The following MED24 variants were observed in gnomAD, a reference collection of about 807,000 sequenced individuals.
MED24 encodes the protein mediator of RNA polymerase II transcription subunit 24.
MED24 carries 74 observed loss-of-function variants against 118.8 expected under a neutral mutation model. That is an observed-to-expected ratio of 0.62 (90% CI 0.52 to 0.76). MED24 has a LOEUF of 0.76. Among genes scored for constraint, MED24 ranks in the 30% least tolerant of loss-of-function variants. The pLI, the probability that MED24 is intolerant of heterozygous loss-of-function variation, is 0.00. For missense variants in MED24, 1,041 were observed against 1,278.9 expected (o/e 0.81, Z 2.84); for synonymous variants, 521 against 523.9 (o/e 0.99, Z 0.08).
rs192933030 is a variant in MED24, at chr17:40,046,709, G to A, written c.213+6589C>T. ...TGCAGTGAGCCGAGATCCCGCCACT[G>A]CACTCCAGCCTGGGCGACAGAGCGA... On this transcript the variant is annotated intron_variant, in intron 3 of 25. Transcript: ENST00000394128. Among the ~76,000 whole-genome samples the A allele has an allele frequency of 1.6e-3, 235 of 151,394 alleles. 1 individual carries two copies. Among genetic ancestry groups the A allele is most frequent in the African/African-American group, 5.5e-3 (227 of 41,212 alleles).
chr17:40,037,289 C>T (rs1984055599), intron 3 of MED24, among the ~76,000 whole-genome samples: 1 of 152,046 alleles, frequency 6.6e-6, no homozygotes, highest in Non-Finnish European at 1.5e-5. Flanking sequence ...CTTATTTGTT[C>T]TCCAGAACTT....
intron 3 of MED24, among the ~76,000 whole-genome samples, chr17:40,044,270 A>G (rs895295596): frequency 1.3e-5 from 2 of 152,192 alleles, no homozygotes; most frequent in Non-Finnish European, 2.9e-5. Flanking sequence ...CTGTAATCCC[A>G]GCACTTTGGG....
At position 40,021,961 on chromosome 17, in the gene MED24, T is replaced by A. The variant is rs771965175; in HGVS notation, c.2617A>T (p.Ser873Cys). 7.2e-5 allele frequency: 116 copies of A among 1,600,566 alleles called. 4 individuals carry two copies. In the South Asian group the frequency reaches 1.3e-3, roughly 18 times the overall value. ...SNEDDANILS[S>C]PTDRSMSSSL... is the part of the protein sequence containing the mutation. ...GGCCAGCCCACACACTCACTGGGGC[T>A]CGAAAGGATGTTGGCATCGTCCTCA... Residue 873 changes from serine (S) to cysteine (C), a missense_variant, in exon 23 of 26, where the codon AGC becomes TGC. Ser to Cys is a moderately radical substitution (Grantham distance 112, BLOSUM62 -1). Coordinates refer to ENST00000394128, the MANE Select transcript of MED24 (RefSeq NM_014815.4).
intron 19 of MED24, among the ~76,000 whole-genome samples, chr17:40,025,533 G>T (rs934479460): frequency 6.6e-6 from 1 of 152,178 alleles, no homozygotes; most frequent in African/African-American, 2.4e-5. Flanking sequence ...GAGCTGGAGG[G>T]AGGGGAAAAT....
chr17:40,028,784 C>A (rs756199761), intron 14 of MED24, 42 bp downstream of exon 14: 7 of 1,608,876 alleles, frequency 4.4e-6, no homozygotes, highest in Non-Finnish European at 5.9e-6. Context: ...CAACGCGCAG[C>A]CTCCCTGCAC....
rs753068864 is a variant in MED24 at position 40,023,161 on chromosome 17, G to A, written c.2220C>T (p.Gly740=). 31 of 1,614,060 alleles carry A rather than the reference G, an allele frequency of 1.9e-5. No homozygotes were observed. The highest frequency in any genetic ancestry group is 1.7e-4 in the Middle Eastern group (1 of 6,060). ...TCAGGTTGTTGCAGAACCAGTAGAC[G>A]CCGCCCATGTGCAGCAGGGTGTCAA... ...HIFDTLLHMG[G]VYWFCNNLIK... The change falls in exon 20 of 26, where the codon GGC becomes GGT. Residue 740 remains glycine, a synonymous_variant. Coordinates refer to ENST00000394128, the MANE Select transcript of MED24 (RefSeq NM_014815.4).
chr17:40,032,652 G>C lies in MED24; in HGVS notation c.933C>G (p.Leu311=), dbSNP rs763500133. ...GCCCCTCCCACGTCCCCAGTACCTT[G>C]AGGAAAGTGAAAGCTGTCCACTTGA... ...EELKWTAFTF[L]KIPQVLVKLK... is the part of the protein sequence containing the mutation. The change falls in exon 9 of 26, where the codon CTC becomes CTG. Residue 311 remains leucine, a synonymous_variant. Coordinates refer to ENST00000394128, the MANE Select transcript of MED24 (RefSeq NM_014815.4). 6 of 1,611,364 alleles carry C rather than the reference G, an allele frequency of 3.7e-6. No homozygotes were observed. In the African/African-American group the frequency reaches 8.0e-5, roughly 22 times the overall value.
At chr17:40,032,589 C>A in intron 9 of MED24, 60 bp downstream of exon 9, 1 of 1,351,172 alleles carries the variant, frequency 7.4e-7, no homozygotes, top group Non-Finnish European at 1.0e-6. Flanking sequence ...GTCCAGGGTG[C>A]CACTGGTCTT....
chr17:40,024,915 T>C (rs12451547), intron 19 of MED24, among the ~76,000 whole-genome samples: 52,431 of 151,608 alleles, frequency 0.35, 9,495 homozygotes, highest in Middle Eastern at 0.5. Flanking sequence ...TTTATATTTT[T>C]AGTAAGGCCA....
intron 8 of MED24, 111 bp from the exon 9 acceptor site, chr17:40,032,873 A>T: frequency 1.5e-6 from 2 of 1,318,314 alleles, no homozygotes; most frequent in Non-Finnish European, 2.1e-6. Flanking sequence ...GTCACTGCTC[A>T]GCTATGTGCT....
chr17:40,043,840 G>A (rs1294185864), intron 3 of MED24, among the ~76,000 whole-genome samples: 5 of 146,924 alleles, frequency 3.4e-5, no homozygotes, highest in Non-Finnish European at 7.5e-5. Flanking sequence ...GCAGTGAACC[G>A]AGATACTGCC....
chr17:40,036,129 G>A lies in MED24; in HGVS notation c.239C>T (p.Thr80Ile). 1 of 1,612,558 alleles carries A rather than the reference G, an allele frequency of 6.2e-7. No homozygotes were observed. The change falls in exon 4 of 26, where the codon ACA becomes ATA. Residue 80 changes from threonine (T) to isoleucine (I), a missense_variant. Thr to Ile is a moderately conservative substitution (Grantham distance 89, BLOSUM62 -1). Around this residue, in one of 3 missense-constraint regions of MED24, gnomAD observed 434 missense variants for 514.9 expected, o/e 0.84. Coordinates refer to ENST00000394128, the MANE Select transcript of MED24 (RefSeq NM_014815.4). ...SQMVSYSSVL[T>I]AISKFDDFSR... ...CTATGGTCATACCTTACTGATGGCT[G>A]TGAGGACAGAAGAGTAGGACACCAT...
Position 40,019,429 on chromosome 17 carries a change from C to A in MED24, c.*100G>T. ...CTAGAGGCTCTTGCACCATGTGGAGCGGATGTGAGGCACGATGCCTCATCT... is the reference window on the plus strand; with the variant it reads ...CTAGAGGCTCTTGCACCATGTGGAGAGGATGTGAGGCACGATGCCTCATCT... On this transcript the variant is annotated 3_prime_UTR_variant, in exon 26 of 26. Coordinates refer to ENST00000394128, the MANE Select transcript of MED24 (RefSeq NM_014815.4). 1.1e-6 allele frequency: 1 copy of A among 945,092 alleles called. No individual in the cohort carries two copies. Among genetic ancestry groups the A allele is most frequent in the South Asian group, 1.5e-5 (1 of 68,752 alleles). 58.5% of individuals were successfully genotyped at this position (945,092 alleles called of 1,614,324 possible).
At chr17:40,027,825 G>A (rs1982877167) in intron 15 of MED24, 84 bp downstream of exon 15, 1 of 1,436,856 alleles carries the variant, frequency 7.0e-7, no homozygotes, top group Non-Finnish European at 9.7e-7. Flanking sequence ...CTGTTGAGCT[G>A]GGGAGCCCTC....
chr17:40,023,635 T>G (rs1982305267), intron 19 of MED24: 1 of 461,594 alleles, frequency 2.2e-6, no homozygotes, highest in South Asian at 4.3e-5. Flanking sequence ...GGAGGGACTT[T>G]CCTCCCCCTG....
At chr17:40,031,877 C>T (rs755814200) in intron 10 of MED24, among the ~76,000 whole-genome samples, 166 bp downstream of exon 10, 6 of 149,548 alleles carry the variant, frequency 4.0e-5, no homozygotes, top group Non-Finnish European at 9.0e-5. Flanking sequence ...TGCTGAAGCA[C>T]ACGCACATGC....
intron 20 of MED24, 42 bp from the exon 21 acceptor site, chr17:40,022,868 G>A (rs754145525): frequency 1.3e-5 from 21 of 1,597,862 alleles, no homozygotes; most frequent in Admixed American, 3.4e-5. Context: ...CCAGGGGCCC[G>A]GGATCTGGGG....
chr17:40,019,601 C>G lies in MED24; in HGVS notation c.2898G>C (p.Val966=). ...VKVSAMSSPK[V]VLAITDLSLP... ...GGCTGAGGTCCGTGATGGCCAGAAC[C>G]ACCTTGGGGCTGGACATGGCTGACA... is the stretch of plus-strand genomic sequence containing the variant. Residue 966 remains valine (V), a synonymous_variant, in exon 26 of 26, where the codon GTG becomes GTC. Transcript: ENST00000394128. 1 of 1,609,274 alleles carries G rather than the reference C, an allele frequency of 6.2e-7. No homozygotes were observed. Among genetic ancestry groups the G allele is most frequent in the Non-Finnish European group, 8.5e-7 (1 of 1,177,368 alleles).
At chr17:40,047,832 C>G (rs1985410751) in intron 3 of MED24, among the ~76,000 whole-genome samples, 1 of 151,996 alleles carries the variant, frequency 6.6e-6, no homozygotes, top group African/African-American at 2.4e-5. Flanking sequence ...CAGGTTCAAG[C>G]AATTCTCCTG....
Sources: allele counts gnomAD v4.1 joint callset (sites outside exome capture counted in the v4.1 genomes callset), GRCh38; gene constraint gnomAD v4.1.1; regional missense constraint gnomAD v4.1.1; transcripts MANE v1.5; gene names NCBI Gene and HGNC (gene_info 2026-07-23, HGNC 2026-07-21).